Variants in ROBO2 observed in about 807,000 individuals in gnomAD.
ROBO2 encodes the protein roundabout homolog 2.
In ROBO2, 53 loss-of-function variants were observed where a neutral mutation model predicts 160.8. That is an observed-to-expected ratio of 0.33 (90% CI 0.26 to 0.41). The LOEUF (loss-of-function observed/expected upper bound fraction) is 0.41. Ranked by LOEUF, ROBO2 falls within the 10% of genes least tolerant of loss-of-function variation. ROBO2 has a pLI of 1.00. For missense variants in ROBO2, 1,577 were observed against 1,722.4 expected (o/e 0.92, Z 1.49); for synonymous variants, 664 against 611.7 (o/e 1.09, Z -1.26).
intron 2 of ROBO2, among the ~76,000 whole-genome samples, chr3:76,191,998 G>A (rs914293456): frequency 1.3e-5 from 2 of 151,888 alleles, no homozygotes; most frequent in African/African-American, 4.8e-5. Context: ...GCCTATTATT[G>A]GACTATAGAT....
intron 2 of ROBO2, among the ~76,000 whole-genome samples, chr3:77,232,070 T>A (rs570435367): frequency 6.6e-6 from 1 of 152,358 alleles, no homozygotes; most frequent in East Asian, 1.9e-4. Flanking sequence ...CCATTTCTTT[T>A]CATCGCTATT....
At chr3:76,642,341 C>CTTTTTTTTTTTTTTTTTTTT (rs71104611) in intron 2 of ROBO2, among the ~76,000 whole-genome samples, 1 of 62,230 alleles carries the variant, frequency 1.6e-5, no homozygotes, top group African/African-American at 7.2e-5. Context: ...TTTACACTTG[C>CTTTTTTTTTTTTTTTTTTTT]TTTTTTTTTT....
chr3:76,117,739 T>C (rs1284675714), intron 2 of ROBO2, among the ~76,000 whole-genome samples: 3 of 152,184 alleles, frequency 2.0e-5, no homozygotes, highest in Non-Finnish European at 4.4e-5. Flanking sequence ...TTCCGAAGCT[T>C]ACATTCTAGT....
At chr3:77,003,815 G>T (rs72902068) in intron 2 of ROBO2, among the ~76,000 whole-genome samples, 1 of 152,098 alleles carries the variant, frequency 6.6e-6, no homozygotes, top group East Asian at 1.9e-4. Context: ...CAAGTTCTGG[G>T]ATTACTGGTG....
intron 2 of ROBO2, among the ~76,000 whole-genome samples, chr3:76,070,562 C>A (rs1343744857): frequency 6.6e-6 from 1 of 152,160 alleles, no homozygotes; most frequent in African/African-American, 2.4e-5. Flanking sequence ...CCTGTGATCT[C>A]ACCCTGCCTC....
chr3:77,088,164 A>G (rs1437881091), intron 1 of ROBO2, among the ~76,000 whole-genome samples: 1 of 152,190 alleles, frequency 6.6e-6, no homozygotes, highest in Non-Finnish European at 1.5e-5. Context: ...AAAACAGGGG[A>G]AAAAGTGTTC....
At position 76,657,698 on chromosome 3, in the gene ROBO2, ATTCATATATG is replaced by A. The variant is rs1413914908; in HGVS notation, c.110-440314_110-440305del. On this transcript the variant is annotated intron_variant, in intron 2 of 26. Transcript: ENST00000487694. ...TATATACATATATGTGTGTATATAT[ATTCATATATG>A]TGTGTATATATATTCATATATGAGT... Among the ~76,000 whole-genome samples, 8 of 143,090 alleles carry A rather than the reference ATTCATATATG, an allele frequency of 5.6e-5. No individual in the cohort carries two copies. The East Asian group carries it at 1.6e-3, about 28-fold the overall frequency. The allele number at this position is 143,090 out of a possible 152,430, so 93.9% of individuals were successfully genotyped here.
At chr3:77,189,821 G>A (rs953889169) in intron 2 of ROBO2, among the ~76,000 whole-genome samples, 2 of 151,844 alleles carry the variant, frequency 1.3e-5, no homozygotes, top group Admixed American at 1.3e-4. Flanking sequence ...TTTGCTAAGA[G>A]CTCATATTAA....
At chr3:76,831,189 C>T (rs1221403874) in intron 2 of ROBO2, among the ~76,000 whole-genome samples, 1 of 152,048 alleles carries the variant, frequency 6.6e-6, no homozygotes, top group Non-Finnish European at 1.5e-5. Flanking sequence ...CTAGAAGCAT[C>T]CTGAGTCAAA....
rs1024459255 is a variant in ROBO2, at chr3:77,316,946, C to T, written c.389-160468C>T. 2.2e-5 allele frequency: 29 copies of T among 1,328,518 alleles called. No individual in the cohort carries two copies. In the Admixed American group the frequency reaches 2.7e-4, roughly 12 times the overall value. 82.3% of individuals were successfully genotyped at this position (1,328,518 alleles called of 1,614,324 possible). On this transcript the variant is annotated intron_variant, in intron 2 of 25. Coordinates refer to ENST00000461745, the Ensembl canonical transcript of ROBO2. The stretch of plus-strand genomic sequence containing the variant: ...TCAGTCTGATACTTGGCTGCTGTTC[C>T]GAAGCGCGTGTTACTGTTTCCTGCT...
chr3:77,271,700 G>C (rs1246563767), intron 2 of ROBO2, among the ~76,000 whole-genome samples: 5 of 152,206 alleles, frequency 3.3e-5, no homozygotes, highest in Non-Finnish European at 7.4e-5. Context: ...GTACTACTAA[G>C]ATGTACCCTG....
chr3:77,634,655 A>C, intron 23 of ROBO2: 1 of 550,888 alleles, frequency 1.8e-6, no homozygotes, highest in Non-Finnish European at 3.3e-6. Context: ...TGAGGGGGCC[A>C]GTGGGGGTGT....
intron 2 of ROBO2, among the ~76,000 whole-genome samples, chr3:76,463,230 C>T (rs922683964): frequency 6.6e-6 from 1 of 152,128 alleles, no homozygotes; most frequent in Non-Finnish European, 1.5e-5. Context: ...GGGCCACTCA[C>T]ACATGCTTTC....
At chr3:77,416,734 A>G (rs990406417) in intron 2 of ROBO2, among the ~76,000 whole-genome samples, 4 of 151,730 alleles carry the variant, frequency 2.6e-5, no homozygotes, top group Admixed American at 2.0e-4. Context: ...AAAAAAAAAA[A>G]AAAGAAAGGA....
rs563929654 is a variant in ROBO2, at chr3:77,137,962, AT to A, written c.388+39632del. Among the ~76,000 whole-genome samples, 156 of 151,052 alleles carry A rather than the reference AT, an allele frequency of 1.0e-3. 1 individual carries two copies. The highest frequency in any genetic ancestry group is 3.3e-3 in the African/African-American group (135 of 41,182). ...AGCAAATGCAGTTAAATTTAACAGA[AT>A]TTTTTTTTTCAATATGCCAGACACA... On this transcript the variant is annotated intron_variant, in intron 2 of 25. Coordinates refer to ENST00000461745, the Ensembl canonical transcript of ROBO2.
intron 2 of ROBO2, among the ~76,000 whole-genome samples, chr3:76,272,407 G>T (rs1707489195): frequency 6.6e-6 from 1 of 151,982 alleles, no homozygotes; most frequent in Non-Finnish European, 1.5e-5. Context: ...GCTCATGCCT[G>T]TAATTCCAGC....
chr3:76,397,041 G>A (rs187051426), intron 2 of ROBO2, among the ~76,000 whole-genome samples: 1 of 152,128 alleles, frequency 6.6e-6, no homozygotes, highest in East Asian at 1.9e-4. Flanking sequence ...AAAGAACAAA[G>A]CTGGAGGCAT....
At chr3:76,489,863 A>T (rs6789016) in intron 2 of ROBO2, among the ~76,000 whole-genome samples, 2 of 151,890 alleles carry the variant, frequency 1.3e-5, no homozygotes, top group Non-Finnish European at 2.9e-5. Flanking sequence ...TGAATTATAA[A>T]GAAAATATAC....
chr3:76,428,409 A>G (rs1461888522), intron 2 of ROBO2, among the ~76,000 whole-genome samples: 2 of 152,218 alleles, frequency 1.3e-5, no homozygotes, highest in African/African-American at 2.4e-5. Flanking sequence ...TAAGAATTCT[A>G]TATGAAAGAT....
Sources: gnomAD v4.1 joint callset for allele counts (sites outside exome capture counted in the v4.1 genomes callset) on GRCh38, gnomAD v4.1.1 for gene constraint, MANE v1.5 for transcripts, NCBI Gene and HGNC (gene_info 2026-07-23, HGNC 2026-07-21) for gene names.